TMEM132C: variants seen among roughly 807,000 people sequenced by gnomAD.
The protein encoded by TMEM132C is transmembrane protein 132C.
TMEM132C carries 29 observed loss-of-function variants against 61.4 expected under a neutral mutation model. That is an observed-to-expected ratio of 0.47 (90% CI 0.35 to 0.64). TMEM132C has a LOEUF of 0.64. TMEM132C is among the 30% of genes least tolerant of loss of function. TMEM132C has a pLI of 0.00. For synonymous variants in TMEM132C, 656 were observed against 633.1 expected, an observed-to-expected ratio of 1.04 and a Z score of -0.54; for missense variants, 1,408 against 1,476.9, an observed-to-expected ratio of 0.95 and a Z score of 0.76.
chr12:128,442,189 C>T (rs994075072), intron 2 of TMEM132C, among the ~76,000 whole-genome samples: 3 of 152,132 alleles, frequency 2.0e-5, no homozygotes, highest in South Asian at 2.1e-4. Flanking sequence ...TGTTTAGCCT[C>T]GTCATCACTT....
intron 2 of TMEM132C, among the ~76,000 whole-genome samples, chr12:128,447,609 A>G (rs1005560445): frequency 2.0e-5 from 3 of 151,664 alleles, no homozygotes; most frequent in African/African-American, 7.3e-5. Context: ...CAAATTGCCA[A>G]CTGGCTCACT....
chr12:128,337,360 C>A (rs1872818017), intron 1 of TMEM132C, among the ~76,000 whole-genome samples: 1 of 152,134 alleles, frequency 6.6e-6, no homozygotes, highest in Non-Finnish European at 1.5e-5. Flanking sequence ...GTTGTGTTCG[C>A]AGTTCAGCCT....
At chr12:128,610,169 T>C (rs1317834396) in intron 3 of TMEM132C, among the ~76,000 whole-genome samples, 2 of 152,212 alleles carry the variant, frequency 1.3e-5, no homozygotes, top group East Asian at 1.9e-4. Context: ...GAAATACTCA[T>C]GAGGTAGAAT....
intron 4 of TMEM132C, among the ~76,000 whole-genome samples, chr12:128,655,576 C>A (rs1268513727): frequency 6.6e-6 from 1 of 151,684 alleles, no homozygotes; most frequent in African/African-American, 2.4e-5. Context: ...GAAAATGAAG[C>A]GCCCTTTTGG....
intron 1 of TMEM132C, among the ~76,000 whole-genome samples, chr12:128,342,567 A>G (rs1294184463): frequency 8.5e-6 from 1 of 117,406 alleles, no homozygotes; most frequent in African/African-American, 2.9e-5. Context: ...ATCTCAGGAC[A>G]TCATTTCCTC....
chr12:128,435,994 G>A lies in TMEM132C; in HGVS notation c.974+20374G>A, dbSNP rs549182683. On this transcript the variant is annotated intron_variant, in intron 2 of 8. Transcript: ENST00000435159. ...GAACAGAGGCCTCAGAAATAACACC[G>A]CACATCTAAAACCATCTGATCTTTG... Among the ~76,000 whole-genome samples, 253 of 152,062 alleles carry A rather than the reference G, an allele frequency of 1.7e-3. 1 individual carries two copies. Among genetic ancestry groups the A allele is most frequent in the African/African-American group, 5.9e-3 (244 of 41,452 alleles).
intron 6 of TMEM132C, among the ~76,000 whole-genome samples, chr12:128,694,678 C>A (rs1954745014): frequency 6.6e-6 from 1 of 152,158 alleles, no homozygotes; most frequent in Admixed American, 6.5e-5. Flanking sequence ...GGCACCAGGG[C>A]CTTTCTCATA....
Position 128,349,911 on chromosome 12 carries a change from C to T in TMEM132C, c.86-64821C>T, listed in dbSNP as rs533498261. Among the ~76,000 whole-genome samples the T allele has an allele frequency of 3.4e-3, 296 of 87,362 alleles. 3 individuals are homozygous for T. The highest frequency in any genetic ancestry group is 9.1e-3 in the African/African-American group (275 of 30,238). 57.3% of individuals were successfully genotyped at this position (87,362 alleles called of 152,430 possible). On this transcript the variant is annotated intron_variant, in intron 1 of 8. Transcript: ENST00000435159. The stretch of plus-strand genomic sequence containing the variant: ...CTGGCTCTCTAAATATGTATGAACA[C>T]GTACCGTACACACACACACACACAC...
At chr12:128,432,788 C>G (rs1337576334) in intron 2 of TMEM132C, among the ~76,000 whole-genome samples, 1 of 152,086 alleles carries the variant, frequency 6.6e-6, no homozygotes, top group African/African-American at 2.4e-5. Flanking sequence ...AGGGTTAACT[C>G]CAATTATGAA....
At chr12:128,478,466 T>A (rs1442477338) in intron 2 of TMEM132C, among the ~76,000 whole-genome samples, 1 of 152,160 alleles carries the variant, frequency 6.6e-6, no homozygotes, top group Non-Finnish European at 1.5e-5. Context: ...TCCCTGTGAG[T>A]TGGCCCAAAG....
chr12:128,416,844 C>T (rs1292996087), intron 2 of TMEM132C, among the ~76,000 whole-genome samples: 1 of 152,090 alleles, frequency 6.6e-6, no homozygotes, highest in Non-Finnish European at 1.5e-5. Context: ...TTTCTGGATA[C>T]GCTTGGAGGA....
At chr12:128,319,783 G>A (rs1012189914) in intron 1 of TMEM132C, among the ~76,000 whole-genome samples, 9 of 150,488 alleles carry the variant, frequency 6.0e-5, no homozygotes, top group African/African-American at 2.2e-4. Context: ...CCGAGATTGC[G>A]CCACTGCACT....
At chr12:128,473,104 G>GTCTTCATCTTCACTCCAACCTCCA (rs1565946369) in intron 2 of TMEM132C, among the ~76,000 whole-genome samples, 1 of 4,570 alleles carries the variant, frequency 2.2e-4, no homozygotes, top group Non-Finnish European at 3.8e-4. Context: ...TCCAGACTCT[G>GTCTTCATCTTCACTCCAACCTCCA]TCTTCATCTT....
chr12:128,422,155 T>C (rs1260763865), intron 2 of TMEM132C, among the ~76,000 whole-genome samples: 1 of 152,200 alleles, frequency 6.6e-6, no homozygotes, highest in Non-Finnish European at 1.5e-5. Flanking sequence ...AAATTCCCAC[T>C]GCCACCTCAG....
At chr12:128,500,849 A>G (rs545960922) in intron 2 of TMEM132C, among the ~76,000 whole-genome samples, 1 of 152,338 alleles carries the variant, frequency 6.6e-6, no homozygotes, top group East Asian at 1.9e-4. Flanking sequence ...ATGCAAGAGG[A>G]TTGAAACTAT....
chr12:128,397,615 C>T (rs921791802), intron 1 of TMEM132C, among the ~76,000 whole-genome samples: 3 of 152,138 alleles, frequency 2.0e-5, no homozygotes, highest in South Asian at 2.1e-4. Context: ...GGATTGCACT[C>T]GCCCCTCCCC....
chr12:128,532,211 T>C, intron 2 of TMEM132C, among the ~76,000 whole-genome samples: 1 of 152,188 alleles, frequency 6.6e-6, no homozygotes, highest in Non-Finnish European at 1.5e-5. Flanking sequence ...TTTCAATGTG[T>C]ATTTAGGGGA....
At chr12:128,542,487 G>A (rs1006819895) in intron 2 of TMEM132C, among the ~76,000 whole-genome samples, 6 of 151,994 alleles carry the variant, frequency 3.9e-5, no homozygotes, top group Admixed American at 2.0e-4. Flanking sequence ...TGTATTTTTC[G>A]TAGAGACAAG....
chr12:128,576,696 G>A (rs1875109392), intron 3 of TMEM132C, among the ~76,000 whole-genome samples: 1 of 152,212 alleles, frequency 6.6e-6, no homozygotes, highest in Non-Finnish European at 1.5e-5. Context: ...GACAGGTTAA[G>A]CCATTTGTCC....
Sources: gnomAD v4.1 joint callset for allele counts (sites outside exome capture counted in the v4.1 genomes callset) on GRCh38, gnomAD v4.1.1 for gene constraint, MANE v1.5 for transcripts, NCBI Gene and HGNC (gene_info 2026-07-23, HGNC 2026-07-21) for gene names.